FLACC1: variants seen among roughly 807,000 people sequenced by gnomAD.
FLACC1 encodes the protein flagellum-associated coiled-coil domain-containing protein 1.
A neutral mutation model predicts 62.8 loss-of-function variants in FLACC1; 66 were observed. That is an observed-to-expected ratio of 1.05 (90% CI 0.86 to 1.29). FLACC1 has a LOEUF of 1.29. FLACC1 is among the 50% of genes most tolerant of loss of function. FLACC1 has a pLI of 0.00. For missense variants in FLACC1, 452 were observed against 489.1 expected (o/e 0.92, Z 0.71); for synonymous variants, 156 against 161.0 (o/e 0.97, Z 0.24).
chr2:201,301,743 C>T (rs979526632), intron 11 of FLACC1, among the ~76,000 whole-genome samples: 9 of 152,202 alleles, frequency 5.9e-5, no homozygotes, highest in African/African-American at 2.2e-4. Flanking sequence ...TCGGCAGAAA[C>T]TCTATCTACA....
Position 201,348,272 on chromosome 2 carries a change from C to G in FLACC1, c.216G>C (p.Glu72Asp), listed in dbSNP as rs146454463. The G allele has an allele frequency of 5.8e-4, 943 of 1,612,870 alleles. 7 individuals carry two copies. In the African/African-American group the frequency reaches 0.011, roughly 19 times the overall value. ...TACTCACATAAAATGATTTATTAGT[C>G]TCTTCTTGCCTTGCTGAATGGATTT... ...KMKIHSARQE[E>D]TNKSFYEVIN... Residue 72 changes from glutamate to aspartate, a missense_variant, in exon 4 of 15, where the codon GAG becomes GAC. Glu to Asp is a conservative substitution (Grantham distance 45). This residue lies in a region of FLACC1 where 147 missense variants were observed against 152.7 expected (regional missense o/e 0.96). Coordinates refer to ENST00000392257, the MANE Select transcript of FLACC1 (RefSeq NM_001127391.3).
chr2:201,352,622 T>A (rs1951048542), intron 1 of FLACC1, among the ~76,000 whole-genome samples: 1 of 152,176 alleles, frequency 6.6e-6, no homozygotes, highest in Non-Finnish European at 1.5e-5. Flanking sequence ...TGGAGCCAAT[T>A]CACACATCAG....
At chr2:201,342,626 T>G (rs2125610936) in intron 6 of FLACC1, among the ~76,000 whole-genome samples, 195 bp from the exon 7 acceptor site, 1 of 152,364 alleles carries the variant, frequency 6.6e-6, no homozygotes, top group South Asian at 2.1e-4. Context: ...CAGAACAATT[T>G]GTGCCTTGCT....
In FLACC1 at chr2:201,289,705, G is replaced by T; in HGVS notation, c.1023C>A (p.Leu341=). 6.2e-7 allele frequency: 1 copy of T among 1,613,802 alleles called. No individual in the cohort carries two copies. The change falls in exon 13 of 15, where the codon CTC becomes CTA. Residue 341 remains leucine, a synonymous_variant. Coordinates refer to ENST00000392257, the MANE Select transcript of FLACC1 (RefSeq NM_001127391.3). Reference sequence around the variant, plus strand: ...TCCAGTAGGGACTCACCTCTTTCTGGAGTTCCAACTGGGTATAGTAGAGGT... The same window carrying T: ...TCCAGTAGGGACTCACCTCTTTCTGTAGTTCCAACTGGGTATAGTAGAGGT... ...NTNLYYTQLE[L]QKEKAIVGNL...
Position 201,288,536 on chromosome 2 carries a change from G to A in FLACC1, c.*119C>T. On this transcript the variant is annotated 3_prime_UTR_variant, in exon 15 of 15. Transcript: ENST00000392257. ...ACATTTTCAGACATTCAGAGAGTCA[G>A]AGCAACCCAAGAACTAAACTCATTA... 1 of 1,284,446 alleles carries A rather than the reference G, an allele frequency of 7.8e-7. No homozygotes were observed. The highest frequency in any genetic ancestry group is 1.1e-6 in the Non-Finnish European group (1 of 939,720). The allele number at this position is 1,284,446 out of a possible 1,614,324, so 79.6% of individuals were successfully genotyped here.
chr2:201,312,620 C>A lies in FLACC1; in HGVS notation c.676-3370G>T, dbSNP rs553845694. On this transcript the variant is annotated intron_variant, in intron 9 of 14. Coordinates refer to ENST00000392257, the MANE Select transcript of FLACC1 (RefSeq NM_001127391.3). The stretch of plus-strand genomic sequence containing the variant: ...AAGAGTCTAAATAGCCAAAGCAATC[C>A]TAAGCAAAAAGAACAAAGCTGGAGG... 3.3e-5 allele frequency among the ~76,000 whole-genome samples: 5 copies of A among 152,246 alleles called. No homozygotes were observed. The South Asian group carries it at 6.2e-4, about 19-fold the overall frequency.
chr2:201,361,866 T>A (rs530708397), upstream of FLACC1, among the ~76,000 whole-genome samples: 3 of 152,328 alleles, frequency 2.0e-5, no homozygotes, highest in South Asian at 4.1e-4. Flanking sequence ...TTTTTCATCA[T>A]CTCATAACAC....
chr2:201,294,701 G>A (rs1949818855), intron 12 of FLACC1, among the ~76,000 whole-genome samples: 1 of 152,156 alleles, frequency 6.6e-6, no homozygotes, highest in African/African-American at 2.4e-5. Context: ...GAAATAAAGG[G>A]TATTCAATTA....
chr2:201,349,687 T>A (rs1478526790), intron 3 of FLACC1, among the ~76,000 whole-genome samples: 1 of 152,200 alleles, frequency 6.6e-6, no homozygotes. Flanking sequence ...CGAGTAAAAA[T>A]TTTAATTTGT....
chr2:201,351,679 C>T, intron 1 of FLACC1: 1 of 329,978 alleles, frequency 3.0e-6, no homozygotes, highest in Non-Finnish European at 5.7e-6. Context: ...CATGGTGGCT[C>T]ACGCCTGTAA....
chr2:201,342,576 G>A, intron 6 of FLACC1, 145 bp from the exon 7 acceptor site: 1 of 681,926 alleles, frequency 1.5e-6, no homozygotes, highest in East Asian at 2.7e-5. Flanking sequence ...CTCTTCCACT[G>A]TGCTCTGCAG....
chr2:201,317,176 A>G (rs1431286790), intron 9 of FLACC1, among the ~76,000 whole-genome samples: 1 of 152,174 alleles, frequency 6.6e-6, no homozygotes, highest in Non-Finnish European at 1.5e-5. Context: ...CCTCTTCAAC[A>G]TAGTACTGGA....
intron 12 of FLACC1, among the ~76,000 whole-genome samples, chr2:201,293,956 C>T (rs1164970730): frequency 6.6e-6 from 1 of 152,108 alleles, no homozygotes; most frequent in Non-Finnish European, 1.5e-5. Context: ...CATACACACT[C>T]CCAAGACTAA....
At position 201,307,739 on chromosome 2, in the gene FLACC1, T is replaced by C. The variant is rs143168702; in HGVS notation, c.776-117A>G. 3.0e-3 allele frequency: 2,367 copies of C among 787,370 alleles called. 7 individuals carry two copies. Among genetic ancestry groups the C allele is most frequent in the Non-Finnish European group, 3.9e-3 (1,821 of 468,194 alleles). 48.8% of individuals were successfully genotyped at this position (787,370 alleles called of 1,614,324 possible). ...CCAGACTGTGTCAGACTCAAGGTCA[T>C]TGCAGCCTGGTGTTTGGCCTCTGAC... On this transcript the variant is annotated intron_variant, in intron 10 of 14. Transcript: ENST00000392257.
intron 12 of FLACC1, among the ~76,000 whole-genome samples, chr2:201,290,510 GC>G (rs1419669783): frequency 5.3e-5 from 8 of 152,124 alleles, no homozygotes; most frequent in Non-Finnish European, 1.0e-4. Context: ...ATGAATAGAA[GC>G]CTGTGCAAAG....
At position 201,288,417 on chromosome 2, in the gene FLACC1, A is replaced by T; in HGVS notation, c.*238T>A. On this transcript the variant is annotated 3_prime_UTR_variant, in exon 15 of 15. Transcript: ENST00000392257. ...TACGTCAAGGTAGAAGAAAAATAGT[A>T]CAAAACTCAGAGAAAGCTCAGCTCC... 2.5e-6 allele frequency: 1 copy of T among 393,658 alleles called. No homozygotes were observed. The highest frequency in any genetic ancestry group is 4.5e-6 in the Non-Finnish European group (1 of 224,034). 24.4% of individuals were successfully genotyped at this position (393,658 alleles called of 1,614,324 possible).
At chr2:201,304,497 C>A (rs545960595) in intron 11 of FLACC1, among the ~76,000 whole-genome samples, 25 of 152,240 alleles carry the variant, frequency 1.6e-4, no homozygotes, top group Non-Finnish European at 2.6e-4. Flanking sequence ...GTGAAAATGG[C>A]CATACTGCCC....
At chr2:201,307,478 G>T (rs2125560369) in intron 11 of FLACC1, 41 bp downstream of exon 11, 1 of 1,487,918 alleles carries the variant, frequency 6.7e-7, no homozygotes, top group East Asian at 2.3e-5. Flanking sequence ...GTACCACCTG[G>T]ACTACCCATT....
intron 3 of FLACC1, among the ~76,000 whole-genome samples, chr2:201,348,635 C>G (rs558835153): frequency 6.6e-6 from 1 of 151,866 alleles, no homozygotes; most frequent in Non-Finnish European, 1.5e-5. Context: ...CCCCCCACCA[C>G]CCCCTTACAC....
Sources: allele counts gnomAD v4.1 joint callset (sites outside exome capture counted in the v4.1 genomes callset), GRCh38; gene constraint gnomAD v4.1.1; regional missense constraint gnomAD v4.1.1; transcripts MANE v1.5; gene names NCBI Gene and HGNC (gene_info 2026-07-23, HGNC 2026-07-21).